GPRIN3: variants seen among roughly 807,000 people sequenced by gnomAD.
GPRIN3 encodes G protein-regulated inducer of neurite outgrowth 3.
GPRIN3 carries 12 observed loss-of-function variants against 13.7 expected under a neutral mutation model. That is an observed-to-expected ratio of 0.87 (90% CI 0.56 to 1.42). The LOEUF (loss-of-function observed/expected upper bound fraction) is 1.42, where lower values mean the gene tolerates loss of function less well. Ranked by LOEUF, GPRIN3 falls within the 40% of genes most tolerant of loss-of-function variation. GPRIN3 has a pLI of 0.00. For synonymous variants in GPRIN3, 377 were observed against 372.7 expected (o/e 1.01, Z -0.13); for missense variants, 1,009 against 958.7 (o/e 1.05, Z -0.69).
At chr4:89,276,633 G>A (rs946302956) in intron 1 of GPRIN3, among the ~76,000 whole-genome samples, 9 of 152,230 alleles carry the variant, frequency 5.9e-5, no homozygotes, top group African/African-American at 1.7e-4. Flanking sequence ...GATAATGTGA[G>A]TGCACTGCAA....
chr4:89,290,586 T>C (rs943376015), intron 1 of GPRIN3, among the ~76,000 whole-genome samples: 6 of 152,230 alleles, frequency 3.9e-5, no homozygotes, highest in African/African-American at 1.4e-4. Context: ...GTGAGGACTT[T>C]CTCTTCTCAA....
At chr4:89,285,966 C>T (rs1448691604) in intron 1 of GPRIN3, among the ~76,000 whole-genome samples, 2 of 152,234 alleles carry the variant, frequency 1.3e-5, no homozygotes, top group East Asian at 1.9e-4. Flanking sequence ...GCTTGACTTC[C>T]TCAGTTGCAA....
chr4:89,287,249 A>T (rs535562402), intron 1 of GPRIN3, among the ~76,000 whole-genome samples: 84 of 152,364 alleles, frequency 5.5e-4, no homozygotes, highest in African/African-American at 1.8e-3. Context: ...AAATGCCATG[A>T]GAGAGCAAGA....
At position 89,281,806 on chromosome 4, in the gene GPRIN3, T is replaced by C. The variant is rs72872568; in HGVS notation, c.-124+25809A>G. Among the ~76,000 whole-genome samples, 1,072 of 152,300 alleles carry C rather than the reference T, an allele frequency of 7.0e-3. 12 individuals carry two copies. Among genetic ancestry groups the C allele is most frequent in the African/African-American group, 0.025 (1,037 of 41,558 alleles). On this transcript the variant is annotated intron_variant, in intron 1 of 1. Coordinates refer to ENST00000609438, the MANE Select transcript of GPRIN3 (RefSeq NM_198281.3). ...AATACCCTCTCTACTCTTTCTTGCATTGCTAATAATCTCAACACAACTCAG... is the reference window on the plus strand; with the variant it reads ...AATACCCTCTCTACTCTTTCTTGCACTGCTAATAATCTCAACACAACTCAG...
chr4:89,281,058 G>GGGA (rs1553952256), intron 1 of GPRIN3, among the ~76,000 whole-genome samples: 1 of 138,076 alleles, frequency 7.2e-6, no homozygotes, highest in Non-Finnish European at 1.5e-5. Flanking sequence ...GGAAGGTGAA[G>GGGA]GGGGGGGATA....
intron 1 of GPRIN3, among the ~76,000 whole-genome samples, chr4:89,254,742 C>T (rs1331576341): frequency 6.6e-6 from 1 of 152,140 alleles, no homozygotes; most frequent in African/African-American, 2.4e-5. Flanking sequence ...GAATATACAC[C>T]ATAATGGAAT....
At chr4:89,270,943 C>G (rs1395067832) in intron 1 of GPRIN3, among the ~76,000 whole-genome samples, 1 of 152,056 alleles carries the variant, frequency 6.6e-6, no homozygotes, top group African/African-American at 2.4e-5. Context: ...ATTTCATAGG[C>G]TACAATGCTC....
Position 89,237,840 on chromosome 4 carries a change from G to A in GPRIN3, c.*9940C>T, listed in dbSNP as rs2149243965. On this transcript the variant is annotated 3_prime_UTR_variant, in exon 2 of 2. Coordinates refer to ENST00000609438, the MANE Select transcript of GPRIN3 (RefSeq NM_198281.3). Reference sequence around the variant, plus strand: ...TGCTAAGAAGGATGTTCTTCTGTTTGCTACTCAACATTGAAGATGTGAAGA... The same window carrying A: ...TGCTAAGAAGGATGTTCTTCTGTTTACTACTCAACATTGAAGATGTGAAGA... The A allele has an allele frequency of 6.6e-6, 1 of 152,260 alleles. No homozygotes were observed. The highest frequency in any genetic ancestry group is 2.1e-4 in the South Asian group (1 of 4,818). The allele number at this position is 152,260 out of a possible 1,614,324, so 9.4% of individuals were successfully genotyped here. A position where few individuals can be genotyped will look rare whatever the true frequency, so the allele number is the denominator to read the frequency against.
chr4:89,257,814 C>T (rs1298626170), intron 1 of GPRIN3, among the ~76,000 whole-genome samples: 1 of 151,954 alleles, frequency 6.6e-6, no homozygotes, highest in East Asian at 1.9e-4. Flanking sequence ...TCCTTTAAAC[C>T]CTATTACTAA....
intron 1 of GPRIN3, among the ~76,000 whole-genome samples, chr4:89,299,018 GTT>G (rs1192739625): frequency 6.6e-6 from 1 of 152,132 alleles, no homozygotes; most frequent in Non-Finnish European, 1.5e-5. Context: ...TAGCAGAACA[GTT>G]TCTTCGTAAA....
intron 1 of GPRIN3, among the ~76,000 whole-genome samples, chr4:89,262,062 G>T (rs577305261): frequency 5.3e-5 from 8 of 150,192 alleles, no homozygotes; most frequent in African/African-American, 2.0e-4. Flanking sequence ...GGAGGCAGAG[G>T]TTGCAGTGAG....
At chr4:89,251,601 T>G (rs1231750765) in intron 1 of GPRIN3, among the ~76,000 whole-genome samples, 1 of 152,212 alleles carries the variant, frequency 6.6e-6, no homozygotes, top group Non-Finnish European at 1.5e-5. Context: ...CTACAGAGTA[T>G]TATGCAACCA....
At chr4:89,294,693 A>G (rs535564294) in intron 1 of GPRIN3, among the ~76,000 whole-genome samples, 1 of 152,296 alleles carries the variant, frequency 6.6e-6, no homozygotes, top group Admixed American at 6.5e-5. Context: ...ACCACAACCA[A>G]CTACATCCTC....
chr4:89,271,336 T>C (rs1470237808), intron 1 of GPRIN3, among the ~76,000 whole-genome samples: 1 of 152,108 alleles, frequency 6.6e-6, no homozygotes, highest in Non-Finnish European at 1.5e-5. Context: ...GGTACCATGA[T>C]AGGAATGGCA....
At chr4:89,273,864 T>A (rs1724025127) in intron 1 of GPRIN3, among the ~76,000 whole-genome samples, 1 of 152,236 alleles carries the variant, frequency 6.6e-6, no homozygotes, top group African/African-American at 2.4e-5. Context: ...TCCTTCCAAA[T>A]GGCAGATCTT....
At chr4:89,305,916 T>G (rs1458644978) in intron 1 of GPRIN3, among the ~76,000 whole-genome samples, 1 of 152,186 alleles carries the variant, frequency 6.6e-6, no homozygotes, top group Non-Finnish European at 1.5e-5. Context: ...TTTGTCCTAA[T>G]CATTTTCGTA....
intron 1 of GPRIN3, among the ~76,000 whole-genome samples, chr4:89,298,031 A>T (rs1211784636): frequency 6.6e-6 from 1 of 152,196 alleles, no homozygotes; most frequent in East Asian, 1.9e-4. Flanking sequence ...AGTTATTTCT[A>T]TAATAATGTC....
rs746273373 is a variant in GPRIN3 at position 89,247,978 on chromosome 4, G to T, written c.2133C>A (p.Asn711Lys). The T allele has an allele frequency of 1.9e-6, 3 of 1,614,142 alleles. No homozygotes were observed. The South Asian group carries it at 3.3e-5, about 18-fold the overall frequency. Residue 711 changes from asparagine (N) to lysine (K), a missense_variant, in exon 2 of 2, where the codon AAC (asparagine) becomes AAA (lysine). Coordinates refer to ENST00000609438, the MANE Select transcript of GPRIN3 (RefSeq NM_198281.3). ...DAESLGIAIQ[N>K]HLQRQIREHE... ...GTTCCCTGATTTGTCTTTGCAAATG[G>T]TTCTGGATCGCGATTCCCAGGGACT...
intron 1 of GPRIN3, among the ~76,000 whole-genome samples, chr4:89,253,251 C>T (rs1466743962): frequency 1.3e-5 from 2 of 152,158 alleles, no homozygotes; most frequent in Admixed American, 6.5e-5. Flanking sequence ...CTGTTACCCT[C>T]CAAAATGGCC....
Sources: allele counts gnomAD v4.1 joint callset (sites outside exome capture counted in the v4.1 genomes callset), GRCh38; gene constraint gnomAD v4.1.1; transcripts MANE v1.5; gene names NCBI Gene and HGNC (gene_info 2026-07-23, HGNC 2026-07-21).